Variants in ADGRL2 observed in about 807,000 individuals in gnomAD.
ADGRL2 encodes the protein calcium-independent alpha-latrotoxin receptor 2.
Under a neutral mutation model 157.4 loss-of-function variants are expected in ADGRL2, and 44 were observed. The observed-to-expected ratio is 0.28, with a 90% confidence interval of 0.22 to 0.36. ADGRL2 has a LOEUF of 0.36. ADGRL2 is among the 10% of genes least tolerant of loss of function. The pLI, the probability that ADGRL2 is intolerant of heterozygous loss-of-function variation, is 1.00. For missense variants in ADGRL2, 1,510 were observed against 1,768.9 expected, an observed-to-expected ratio of 0.85 and a Z score of 2.63; for synonymous variants, 585 against 624.7, an observed-to-expected ratio of 0.94 and a Z score of 0.95.
intron 3 of ADGRL2, among the ~76,000 whole-genome samples, chr1:81,922,568 A>C (rs1375045862): frequency 6.6e-6 from 1 of 152,166 alleles, no homozygotes; most frequent in Non-Finnish European, 1.5e-5. Flanking sequence ...TTTGATATTC[A>C]CTTGTTAATT....
chr1:81,705,931 C>A (rs1035306676), intron 1 of ADGRL2, among the ~76,000 whole-genome samples: 4 of 151,794 alleles, frequency 2.6e-5, no homozygotes, highest in African/African-American at 9.7e-5. Flanking sequence ...AATTTTGGGG[C>A]CAGGCGCGGT....
chr1:81,475,702 A>G (rs2101890844), intron 2 of ADGRL2, among the ~76,000 whole-genome samples: 1 of 152,326 alleles, frequency 6.6e-6, no homozygotes, highest in South Asian at 2.1e-4. Context: ...GAAGTACAAA[A>G]GACAAGAAAA....
intron 1 of ADGRL2, among the ~76,000 whole-genome samples, chr1:81,382,936 A>T (rs2076367836): frequency 6.6e-6 from 1 of 152,156 alleles, no homozygotes; most frequent in South Asian, 2.1e-4. Flanking sequence ...TTCCTGCAAG[A>T]TCTCCCTAAT....
chr1:81,665,507 T>G (rs1477775413), intron 3 of ADGRL2, among the ~76,000 whole-genome samples: 1 of 152,096 alleles, frequency 6.6e-6, no homozygotes, highest in African/African-American at 2.4e-5. Context: ...TATCATACAA[T>G]TATATGTTGT....
intron 3 of ADGRL2, among the ~76,000 whole-genome samples, chr1:81,660,227 G>A (rs17106889): frequency 0.046 from 7,069 of 152,148 alleles, 177 homozygotes; most frequent in East Asian, 0.064. Flanking sequence ...AGTTTACAGT[G>A]GTTTGATGGG....
chr1:81,327,967 C>G (rs919042453), intron 1 of ADGRL2, among the ~76,000 whole-genome samples: 5 of 152,078 alleles, frequency 3.3e-5, no homozygotes, highest in African/African-American at 1.2e-4. Flanking sequence ...CCCAGCTGAC[C>G]CTGCACCATG....
chr1:81,852,306 G>A (rs2093041095), intron 2 of ADGRL2, among the ~76,000 whole-genome samples: 1 of 152,036 alleles, frequency 6.6e-6, no homozygotes, highest in Admixed American at 6.6e-5. Context: ...TGTTTGATAA[G>A]TCAAATAGAA....
At chr1:81,308,115 A>G (rs921470010) in intron 1 of ADGRL2, among the ~76,000 whole-genome samples, 1 of 152,198 alleles carries the variant, frequency 6.6e-6, no homozygotes, top group Admixed American at 6.5e-5. Flanking sequence ...GTAATAAAAG[A>G]CCTTCACAGT....
chr1:81,796,398 C>A (rs1291717311), upstream of ADGRL2, among the ~76,000 whole-genome samples: 1 of 152,106 alleles, frequency 6.6e-6, no homozygotes, highest in African/African-American at 2.4e-5. Flanking sequence ...AATTAGTGTT[C>A]TTTTGCTTAC....
chr1:81,553,095 C>T (rs1010927244), intron 2 of ADGRL2, among the ~76,000 whole-genome samples: 1 of 151,912 alleles, frequency 6.6e-6, no homozygotes, highest in Non-Finnish European at 1.5e-5. Context: ...CATTTGGGAA[C>T]AGAAAAGAGC....
chr1:81,600,370 C>G (rs1419524563), intron 3 of ADGRL2, among the ~76,000 whole-genome samples: 1 of 152,200 alleles, frequency 6.6e-6, no homozygotes, highest in Admixed American at 6.5e-5. Context: ...CTCAATATAG[C>G]TCATTTCCTC....
Position 81,966,459 on chromosome 1 carries a change from A to C in ADGRL2, c.2199A>C (p.Thr733=), listed in dbSNP as rs777407741. The C allele has an allele frequency of 6.2e-7, 1 of 1,614,176 alleles. No individual in the cohort carries two copies. The highest frequency in any genetic ancestry group is 2.2e-5 in the East Asian group (1 of 44,882). Residue 733 remains threonine (T), a synonymous_variant, in exon 13 of 24, where the codon ACA becomes ACC. Coordinates refer to ENST00000686636, the MANE Select transcript of ADGRL2 (RefSeq NM_001366006.2). Reference sequence around the variant, plus strand: ...GGAGCCTGGGACAGTTCCTTAGTACAGAAAATGCAACCATTAAACTGGGTG... The same window carrying C: ...GGAGCCTGGGACAGTTCCTTAGTACCGAAAATGCAACCATTAAACTGGGTG... ...IYRSLGQFLS[T]ENATIKLGAD...
intron 1 of ADGRL2, among the ~76,000 whole-genome samples, chr1:81,745,208 C>A (rs1026939262): frequency 2.0e-5 from 3 of 152,148 alleles, no homozygotes; most frequent in Non-Finnish European, 4.4e-5. Context: ...TTAATAATAA[C>A]AAAAATAGTT....
intron 1 of ADGRL2, among the ~76,000 whole-genome samples, chr1:81,400,785 G>A (rs1028569607): frequency 3.3e-5 from 5 of 152,056 alleles, no homozygotes; most frequent in African/African-American, 1.2e-4. Context: ...AGAAAGAAGG[G>A]TATCTCAGCA....
chr1:81,458,886 C>T (rs866185170), intron 2 of ADGRL2, among the ~76,000 whole-genome samples: 33 of 152,276 alleles, frequency 2.2e-4, no homozygotes, highest in African/African-American at 7.0e-4. Flanking sequence ...CTGCCCACAG[C>T]TCAGCAAGTT....
intron 2 of ADGRL2, among the ~76,000 whole-genome samples, chr1:81,451,683 T>G (rs1337431618): frequency 1.3e-5 from 2 of 152,178 alleles, no homozygotes; most frequent in African/African-American, 4.8e-5. Flanking sequence ...GGTCAAGCAT[T>G]GACTCATAGA....
chr1:81,345,354 T>C (rs999801912), intron 1 of ADGRL2, among the ~76,000 whole-genome samples: 2 of 152,206 alleles, frequency 1.3e-5, no homozygotes, highest in Non-Finnish European at 2.9e-5. Context: ...TGCCATTGCA[T>C]CTCAAGAACA....
chr1:81,517,496 C>G (rs6668408), intron 2 of ADGRL2, among the ~76,000 whole-genome samples: 3,239 of 134,322 alleles, frequency 0.024, 132 homozygotes, highest in African/African-American at 0.088. Flanking sequence ...AAAAGGATGT[C>G]AAAACCACGA....
chr1:81,529,426 G>T (rs79123636), intron 2 of ADGRL2, among the ~76,000 whole-genome samples: 1 of 152,192 alleles, frequency 6.6e-6, no homozygotes, highest in Admixed American at 6.5e-5. Context: ...TTTCAGTTGC[G>T]CCCTGTGGCA....
Sources: allele counts gnomAD v4.1 joint callset (sites outside exome capture counted in the v4.1 genomes callset), GRCh38; gene constraint gnomAD v4.1.1; transcripts MANE v1.5; gene names NCBI Gene and HGNC (gene_info 2026-07-23, HGNC 2026-07-21).